The following AKAP19 variants were observed in gnomAD, a reference collection of about 807,000 sequenced individuals.
The protein encoded by AKAP19 is small A-kinase anchoring protein.
chr2:190,199,809 G>A, the AKAP19 span: 1 of 1,584,078 alleles, frequency 6.3e-7, no homozygotes, highest in Non-Finnish European at 8.6e-7. Context: ...TTCTAAAGAT[G>A]GCCTGGAAGT....
At chr2:189,883,669 T>C in the AKAP19 span, among the ~76,000 whole-genome samples, 2 of 152,120 alleles carry the variant, frequency 1.3e-5, no homozygotes, top group African/African-American at 4.8e-5. Flanking sequence ...CACTCTACTT[T>C]AGTTGGACAC....
chr2:189,923,948 G>C, the AKAP19 span: 1 of 1,610,532 alleles, frequency 6.2e-7, no homozygotes, highest in African/African-American at 1.3e-5. Context: ...GGAAAAAATT[G>C]AAAAGGAACA....
the AKAP19 span, among the ~76,000 whole-genome samples, chr2:190,031,963 TTTATCA>T: frequency 6.6e-6 from 1 of 152,230 alleles, no homozygotes; most frequent in African/African-American, 2.4e-5. Context: ...ATCTTCAGTG[TTTATCA>T]TTATTGAGAA....
the AKAP19 span, among the ~76,000 whole-genome samples, chr2:190,165,914 GAAT>G: frequency 1.3e-5 from 2 of 152,090 alleles, no homozygotes; most frequent in Non-Finnish European, 2.9e-5. Flanking sequence ...TGAAGGAATG[GAAT>G]AATATCTTCA....
At chr2:189,890,775 A>G in the AKAP19 span, among the ~76,000 whole-genome samples, 1 of 152,080 alleles carries the variant, frequency 6.6e-6, no homozygotes, top group Admixed American at 6.5e-5. Context: ...TGCTTGGTAA[A>G]TATTCCTCCA....
chr2:189,971,801 A>G, the AKAP19 span, among the ~76,000 whole-genome samples: 2 of 149,276 alleles, frequency 1.3e-5, no homozygotes, highest in South Asian at 4.3e-4. Flanking sequence ...GTCTGTTCAT[A>G]TCCTTCACCC....
chr2:190,195,675 A>G, the AKAP19 span, among the ~76,000 whole-genome samples: 1 of 152,218 alleles, frequency 6.6e-6, no homozygotes, highest in Non-Finnish European at 1.5e-5. Flanking sequence ...TTTATCAAAT[A>G]TGCTTTTGCA....
At chr2:189,974,416 G>A in the AKAP19 span, among the ~76,000 whole-genome samples, 3 of 152,162 alleles carry the variant, frequency 2.0e-5, no homozygotes, top group African/African-American at 4.8e-5. Flanking sequence ...GTCAATTTTG[G>A]AATAAGTGTG....
At chr2:189,880,127 A>G in the AKAP19 span, among the ~76,000 whole-genome samples, 1 of 152,160 alleles carries the variant, frequency 6.6e-6, no homozygotes, top group African/African-American at 2.4e-5. Flanking sequence ...ATTGCAACCC[A>G]ACCCAGCACA....
At chr2:190,088,345 A>G in the AKAP19 span, among the ~76,000 whole-genome samples, 1 of 152,188 alleles carries the variant, frequency 6.6e-6, no homozygotes, top group Non-Finnish European at 1.5e-5. Flanking sequence ...CAGAGCTCTG[A>G]GTAGAGGGTA....
chr2:190,089,160 C>G, the AKAP19 span, among the ~76,000 whole-genome samples: 1 of 152,066 alleles, frequency 6.6e-6, no homozygotes, highest in African/African-American at 2.4e-5. Context: ...CTCTTTGTAC[C>G]TAAATGTAAT....
At chr2:190,100,664 C>G in the AKAP19 span, among the ~76,000 whole-genome samples, 1 of 152,128 alleles carries the variant, frequency 6.6e-6, no homozygotes, top group Non-Finnish European at 1.5e-5. Context: ...TATAAACCAT[C>G]AGGGAAGAAA....
the AKAP19 span, chr2:190,060,314 A>G: frequency 6.2e-7 from 1 of 1,613,006 alleles, no homozygotes; most frequent in Admixed American, 1.7e-5. Flanking sequence ...CTGTTGTAGG[A>G]GTCTCGACGG....
chr2:189,974,018 C>G, the AKAP19 span, among the ~76,000 whole-genome samples: 1 of 152,134 alleles, frequency 6.6e-6, no homozygotes, highest in Non-Finnish European at 1.5e-5. Context: ...TTGCCTTCTG[C>G]TAGCTTTTGA....
At chr2:189,924,599 G>C in the AKAP19 span, among the ~76,000 whole-genome samples, 1 of 152,178 alleles carries the variant, frequency 6.6e-6, no homozygotes. Context: ...AACTGCAAAG[G>C]CAATCTCATT....
the AKAP19 span, among the ~76,000 whole-genome samples, chr2:190,003,514 T>A: frequency 6.6e-5 from 10 of 152,278 alleles, no homozygotes; most frequent in East Asian, 1.7e-3. Flanking sequence ...TTTCTTTACT[T>A]TCAAAAGTGT....
the AKAP19 span, among the ~76,000 whole-genome samples, chr2:190,184,682 T>A: frequency 6.6e-6 from 1 of 152,026 alleles, no homozygotes; most frequent in Admixed American, 6.6e-5. Context: ...TCAAAGATAG[T>A]ACTTGGGTTT....
At chr2:190,012,948 C>T in the AKAP19 span, among the ~76,000 whole-genome samples, 1 of 152,156 alleles carries the variant, frequency 6.6e-6, no homozygotes, top group Non-Finnish European at 1.5e-5. Flanking sequence ...TTGCCTCCTA[C>T]AGGTAAATCC....
chr2:189,913,034 T>A, the AKAP19 span, among the ~76,000 whole-genome samples: 1 of 152,318 alleles, frequency 6.6e-6, no homozygotes, highest in Admixed American at 6.5e-5. Context: ...GAAGATCTGA[T>A]GCTTTGTTCA....
Sources: gnomAD v4.1 joint callset for allele counts (sites outside exome capture counted in the v4.1 genomes callset) on GRCh38, gnomAD v4.1.1 for gene constraint, MANE v1.5 for transcripts, NCBI Gene and HGNC (gene_info 2026-07-23, HGNC 2026-07-21) for gene names.